CBX3: variants seen among roughly 807,000 people sequenced by gnomAD.
The protein encoded by CBX3 is chromobox protein homolog 3.
Under a neutral mutation model 22.6 loss-of-function variants are expected in CBX3, and 5 were observed. That is an observed-to-expected ratio of 0.22 (90% CI 0.12 to 0.47). The LOEUF (loss-of-function observed/expected upper bound fraction) is 0.47, where lower values mean the gene tolerates loss of function less well. Among genes scored for constraint, CBX3 ranks in the 20% least tolerant of loss-of-function variants. The probability of loss-of-function intolerance (pLI) is 0.99; values close to 1 mark genes in which losing one functional copy is unlikely to be tolerated. For synonymous variants in CBX3, 50 were observed against 66.6 expected (o/e 0.75, Z 1.21); for missense variants, 83 against 208.1 (o/e 0.40, Z 3.70).
rs1290329171 is a variant in CBX3 at position 26,212,596 on chromosome 7, G to T, written c.*388G>T. 663 of 143,696 alleles carry T rather than the reference G, an allele frequency of 4.6e-3. No homozygotes were observed. The highest frequency in any genetic ancestry group is 0.018 in the South Asian group (85 of 4,634). The allele number at this position is 143,696 out of a possible 1,614,324, so 8.9% of individuals were successfully genotyped here. A position where few individuals can be genotyped will look rare whatever the true frequency, so the allele number is the denominator to read the frequency against. The stretch of plus-strand genomic sequence containing the variant: ...TTACGTGTTTTTTGTGTGTGTGTGT[G>T]TGTGTGTGTGTGTGTGTATCCATAA... On this transcript the variant is annotated 3_prime_UTR_variant, in exon 6 of 6. Coordinates refer to ENST00000396386, the MANE Select transcript of CBX3 (RefSeq NM_016587.4).
chr7:26,212,055 A>G, intron 5 of CBX3, 27 bp from the exon 6 acceptor site: 2 of 1,477,050 alleles, frequency 1.4e-6, no homozygotes, highest in Non-Finnish European at 1.8e-6. Context: ...TCGACTTGTA[A>G]CTGAATTTTT....
At chr7:26,204,796 T>C (rs970918292) in intron 2 of CBX3, among the ~76,000 whole-genome samples, 1 of 152,162 alleles carries the variant, frequency 6.6e-6, no homozygotes, top group African/African-American at 2.4e-5. Flanking sequence ...TTTTTGTTTT[T>C]GTGTTTTTTT....
At chr7:26,202,909 T>A in intron 1 of CBX3, 62 bp from the exon 2 acceptor site, 1 of 1,025,924 alleles carries the variant, frequency 9.7e-7, no homozygotes, top group Non-Finnish European at 1.5e-6. Context: ...CAAACAGAAT[T>A]TGTATTTAGT....
Position 26,208,275 on chromosome 7 carries a change from T to C in CBX3, c.168-118T>C, listed in dbSNP as rs1784725729. 4.4e-6 allele frequency: 3 copies of C among 676,444 alleles called. No individual in the cohort carries two copies. The Admixed American group carries it at 9.2e-5, about 21-fold the overall frequency. The allele number at this position is 676,444 out of a possible 1,614,324, so 41.9% of individuals were successfully genotyped here. ...ATGTAGGGAAGGAGGAAATGATTAG[T>C]ATCTGCAGTACAGAGGACTTTTTAT... is the stretch of plus-strand genomic sequence containing the variant. On this transcript the variant is annotated intron_variant, in intron 3 of 5. Coordinates refer to ENST00000396386, the MANE Select transcript of CBX3 (RefSeq NM_016587.4).
chr7:26,211,623 A>C (rs757066251), intron 4 of CBX3, 39 bp from the exon 5 acceptor site: 3 of 1,286,222 alleles, frequency 2.3e-6, no homozygotes, highest in Non-Finnish European at 3.3e-6. Flanking sequence ...ACAATTTAAT[A>C]CTCTGAGTTT....
chr7:26,211,993 T>C, intron 5 of CBX3, 89 bp from the exon 6 acceptor site: 2 of 1,213,430 alleles, frequency 1.6e-6, no homozygotes, highest in African/African-American at 1.6e-5. Flanking sequence ...CAATACCTTT[T>C]GTTTGGACTA....
rs575797483 is a variant in CBX3 at position 26,205,837 on chromosome 7, G to C, written c.25-531G>C. Among the ~76,000 whole-genome samples, 8 of 152,350 alleles carry C rather than the reference G, an allele frequency of 5.3e-5. No homozygotes were observed. In the South Asian group the frequency reaches 1.7e-3, roughly 32 times the overall value. ...GCAGTGGCTCACGCCTGTAATGCCAGCACTTTGGGAGGCCCAGGCTGGTGA... is the reference window on the plus strand; with the variant it reads ...GCAGTGGCTCACGCCTGTAATGCCACCACTTTGGGAGGCCCAGGCTGGTGA... On this transcript the variant is annotated intron_variant, in intron 2 of 5. Transcript: ENST00000396386.
chr7:26,210,629 A>C (rs1380794170), intron 4 of CBX3: 1 of 152,152 alleles, frequency 6.6e-6, no homozygotes, highest in Non-Finnish European at 1.5e-5. Flanking sequence ...TTATACTCTA[A>C]AAAAATTATT....
chr7:26,208,185 G>T, intron 3 of CBX3: 1 of 390,286 alleles, frequency 2.6e-6, no homozygotes, highest in Non-Finnish European at 4.8e-6. Context: ...TTCCACTACT[G>T]CACTCTCGTC....
intron 4 of CBX3, chr7:26,210,614 C>T (rs1784782543): frequency 6.6e-6 from 1 of 151,962 alleles, no homozygotes; most frequent in South Asian, 2.1e-4. Flanking sequence ...GGTCTCAGGG[C>T]CTCTTTATAC....
chr7:26,203,932 T>A (rs1419905988), intron 2 of CBX3, among the ~76,000 whole-genome samples: 1 of 152,352 alleles, frequency 6.6e-6, no homozygotes, highest in Non-Finnish European at 1.5e-5. Flanking sequence ...ACAGAAGTTG[T>A]TTTTGCACGC....
At chr7:26,203,507 A>G (rs145178503) in intron 2 of CBX3, among the ~76,000 whole-genome samples, 40 of 152,330 alleles carry the variant, frequency 2.6e-4, no homozygotes, top group African/African-American at 8.9e-4. Flanking sequence ...AACTTACTCT[A>G]AAACATAGAA....
chr7:26,201,899 C>T (rs147214544), intron 1 of CBX3, 73 bp downstream of exon 1: 3,469 of 151,792 alleles, frequency 0.023, 60 homozygotes, highest in Non-Finnish European at 0.035. Context: ...CCCGGGGGCC[C>T]GGTTCTCCGC....
chr7:26,201,998 C>A (rs974301197), intron 1 of CBX3, 172 bp downstream of exon 1: 1 of 152,020 alleles, frequency 6.6e-6, no homozygotes, highest in Non-Finnish European at 1.5e-5. Flanking sequence ...GCTGGCCTGG[C>A]GCGCGGCCAG....
At chr7:26,205,581 T>A (rs1784657434) in intron 2 of CBX3, among the ~76,000 whole-genome samples, 1 of 152,212 alleles carries the variant, frequency 6.6e-6, no homozygotes, top group Admixed American at 6.5e-5. Context: ...CATTTATCTT[T>A]TCTCTGTATC....
chr7:26,202,907 A>G, intron 1 of CBX3, 64 bp from the exon 2 acceptor site: 1 of 1,013,040 alleles, frequency 9.9e-7, no homozygotes, highest in Non-Finnish European at 1.5e-6. Context: ...TCCAAACAGA[A>G]TTTGTATTTA....
intron 2 of CBX3, among the ~76,000 whole-genome samples, chr7:26,205,646 A>G (rs764802201): frequency 1.3e-5 from 2 of 151,964 alleles, no homozygotes; most frequent in African/African-American, 2.4e-5. Flanking sequence ...GGCTTTTACC[A>G]TCTGGGGGTG....
intron 3 of CBX3, chr7:26,208,106 A>T (rs1784721645): frequency 4.7e-6 from 1 of 212,574 alleles, no homozygotes; most frequent in East Asian, 8.6e-5. Context: ...GCATGCCTGT[A>T]GTCCCAGCTA....
chr7:26,210,037 C>T (rs1784769410), intron 4 of CBX3: 1 of 152,086 alleles, frequency 6.6e-6, no homozygotes, highest in Non-Finnish European at 1.5e-5. Context: ...CACCTATAAT[C>T]CCAGCACCTT....
Sources: gnomAD v4.1 joint callset for allele counts (sites outside exome capture counted in the v4.1 genomes callset) on GRCh38, gnomAD v4.1.1 for gene constraint, MANE v1.5 for transcripts, NCBI Gene and HGNC (gene_info 2026-07-23, HGNC 2026-07-21) for gene names.